Variants in ROBO2 observed in about 807,000 individuals in gnomAD.
ROBO2 encodes the protein roundabout guidance receptor 2.
In ROBO2, 53 loss-of-function variants were observed where a neutral mutation model predicts 160.8. That is an observed-to-expected ratio of 0.33 (90% CI 0.26 to 0.41). The LOEUF is 0.41. Among genes scored for constraint, ROBO2 ranks in the 10% least tolerant of loss-of-function variants. ROBO2 has a pLI of 1.00. For synonymous variants in ROBO2, 664 were observed against 611.7 expected, an observed-to-expected ratio of 1.09 and a Z score of -1.26; for missense variants, 1,577 against 1,722.4, an observed-to-expected ratio of 0.92 and a Z score of 1.49.
At chr3:77,580,208 T>C (rs2093879100) in intron 16 of ROBO2, 90 bp downstream of exon 17, 2 of 1,171,340 alleles carry the variant, frequency 1.7e-6, no homozygotes, top group East Asian at 2.4e-5. Context: ...ATAGTGAATA[T>C]ACACTTATGA....
chr3:76,662,387 T>C (rs13078135), intron 2 of ROBO2, among the ~76,000 whole-genome samples: 151,432 of 152,236 alleles, frequency 0.99, 75,323 homozygotes, highest in Middle Eastern at 1. Context: ...GGGGTACATA[T>C]GATATTTTGA....
At chr3:77,333,751 A>T (rs548372547) in intron 2 of ROBO2, among the ~76,000 whole-genome samples, 1 of 152,230 alleles carries the variant, frequency 6.6e-6, no homozygotes, top group Non-Finnish European at 1.5e-5. Context: ...CTTTGATTCA[A>T]TAATGAAGAT....
intron 2 of ROBO2, among the ~76,000 whole-genome samples, chr3:75,938,175 G>T (rs1293765466): frequency 6.6e-6 from 1 of 151,892 alleles, no homozygotes; most frequent in South Asian, 2.1e-4. Flanking sequence ...CTGTAAGGTT[G>T]TGGCATCCTG....
intron 2 of ROBO2, among the ~76,000 whole-genome samples, chr3:76,271,758 C>G (rs1208377585): frequency 6.6e-6 from 1 of 151,752 alleles, no homozygotes; most frequent in African/African-American, 2.4e-5. Context: ...TCCTTCTCTC[C>G]TCTCCTCACA....
intron 2 of ROBO2, among the ~76,000 whole-genome samples, chr3:76,643,165 T>C (rs1457217312): frequency 2.0e-5 from 3 of 152,150 alleles, no homozygotes; most frequent in Admixed American, 2.0e-4. Flanking sequence ...CCTTCCCTCA[T>C]ATATAATCAG....
In ROBO2 at chr3:77,413,675, T is replaced by C. The variant is rs534917022; in HGVS notation, c.389-63739T>C. ...GTTAAGAAGTAATTAGAATATGGTG[T>C]ATTTTCAAATCAAAACCGTGAGGAT... On this transcript the variant is annotated intron_variant, in intron 2 of 25. Coordinates refer to ENST00000461745, the Ensembl canonical transcript of ROBO2. Among the ~76,000 whole-genome samples, 48 of 152,272 alleles carry C rather than the reference T, an allele frequency of 3.2e-4. 1 individual carries two copies. In the South Asian group the frequency reaches 9.5e-3, roughly 30 times the overall value.
intron 2 of ROBO2, among the ~76,000 whole-genome samples, chr3:75,976,609 G>A (rs1180305248): frequency 1.3e-5 from 2 of 151,478 alleles, no homozygotes; most frequent in South Asian, 2.1e-4. Flanking sequence ...TTCTCCAAAT[G>A]TATTACATGT....
intron 2 of ROBO2, among the ~76,000 whole-genome samples, chr3:77,365,802 A>G (rs186735616): frequency 1.3e-5 from 2 of 152,136 alleles, no homozygotes; most frequent in East Asian, 3.9e-4. Flanking sequence ...GACGTGATTT[A>G]TTCTAACCAA....
intron 2 of ROBO2, among the ~76,000 whole-genome samples, chr3:76,007,615 A>ATT (rs2066060744): frequency 6.6e-6 from 1 of 152,210 alleles, no homozygotes. Context: ...ACTTGTAAAC[A>ATT]TACCTCTGAC....
chr3:76,121,567 A>C (rs2070755044), intron 2 of ROBO2, among the ~76,000 whole-genome samples: 1 of 152,144 alleles, frequency 6.6e-6, no homozygotes, highest in Admixed American at 6.6e-5. Context: ...GTGTTGGTTA[A>C]AAAAGCTTAT....
At chr3:76,172,436 T>TAAAAAAAA (rs59265395) in intron 2 of ROBO2, among the ~76,000 whole-genome samples, 1 of 124,754 alleles carries the variant, frequency 8.0e-6, no homozygotes, top group African/African-American at 3.0e-5. Context: ...GTATAATAAT[T>TAAAAAAAA]AAAAAAAAAA....
At position 77,647,002 on chromosome 3, in the gene ROBO2, C is replaced by T. The variant is rs550745516; in HGVS notation, c.*947C>T. 6.6e-6 allele frequency: 1 copy of T among 152,536 alleles called. No homozygotes were observed. Among genetic ancestry groups the T allele is most frequent in the East Asian group, 1.9e-4 (1 of 5,180 alleles). The allele number at this position is 152,536 out of a possible 1,614,324, so 9.4% of individuals were successfully genotyped here. A position where few individuals can be genotyped will look rare whatever the true frequency, so the allele number is the denominator to read the frequency against. ...ATTATCGTAATTAAGCTCTCCAACT[C>T]GTTAAGTCAGAATATAATATGAAGT... On this transcript the variant is annotated 3_prime_UTR_variant, in exon 26 of 26. Transcript: ENST00000461745.
At chr3:77,101,088 A>G (rs2071857868) in intron 2 of ROBO2, among the ~76,000 whole-genome samples, 1 of 152,236 alleles carries the variant, frequency 6.6e-6, no homozygotes, top group Non-Finnish European at 1.5e-5. Context: ...GAATCTTTGA[A>G]AGAGAATTGA....
intron 2 of ROBO2, among the ~76,000 whole-genome samples, chr3:76,810,507 A>T (rs1338016215): frequency 6.6e-6 from 1 of 152,168 alleles, no homozygotes; most frequent in African/African-American, 2.4e-5. Flanking sequence ...TCATTTGGGT[A>T]GAAATAAAGC....
intron 13 of ROBO2, among the ~76,000 whole-genome samples, chr3:77,572,912 A>G (rs1004396602): frequency 6.6e-6 from 1 of 152,044 alleles, no homozygotes; most frequent in Non-Finnish European, 1.5e-5. Flanking sequence ...CATTTCAACA[A>G]AAGTTGAAAC....
chr3:77,006,610 G>A (rs2061594123), intron 2 of ROBO2, among the ~76,000 whole-genome samples: 1 of 151,964 alleles, frequency 6.6e-6, no homozygotes, highest in South Asian at 2.1e-4. Flanking sequence ...TGATGTCTAG[G>A]AATATACTTT....
intron 2 of ROBO2, among the ~76,000 whole-genome samples, chr3:76,909,815 G>A (rs2075852969): frequency 6.6e-6 from 1 of 152,192 alleles, no homozygotes; most frequent in Non-Finnish European, 1.5e-5. Flanking sequence ...TAGCAGTCAT[G>A]ATTTGAGGGG....
chr3:76,908,226 A>G (rs2075746966), intron 2 of ROBO2, among the ~76,000 whole-genome samples: 2 of 152,212 alleles, frequency 1.3e-5, no homozygotes, highest in African/African-American at 4.8e-5. Context: ...AAAAACTGCA[A>G]ACATTTCTTT....
intron 21 of ROBO2, among the ~76,000 whole-genome samples, chr3:77,613,679 G>A (rs115174361): frequency 5.1e-4 from 77 of 152,182 alleles, no homozygotes; most frequent in South Asian, 2.7e-3. Context: ...ATACATACGC[G>A]TATGACTTAC....
Sources: allele counts gnomAD v4.1 joint callset (sites outside exome capture counted in the v4.1 genomes callset), GRCh38; gene constraint gnomAD v4.1.1; transcripts MANE v1.5; gene names NCBI Gene and HGNC (gene_info 2026-07-23, HGNC 2026-07-21).